GRID1: variants seen among roughly 807,000 people sequenced by gnomAD.
GRID1 encodes the protein glutamate receptor ionotropic, delta-1.
In GRID1, 28 loss-of-function variants were observed where a neutral mutation model predicts 98.0. The ratio of observed to expected loss-of-function variants is 0.29; its 90% CI spans 0.21 to 0.39. The LOEUF (loss-of-function observed/expected upper bound fraction) is 0.39. Ranked by LOEUF, GRID1 falls within the 10% of genes least tolerant of loss-of-function variation. The pLI is 1.00. For missense variants in GRID1, 1,111 were observed against 1,340.5 expected (o/e 0.83, Z 2.67); for synonymous variants, 553 against 538.5 (o/e 1.03, Z -0.37).
intron 8 of GRID1, among the ~76,000 whole-genome samples, chr10:85,759,422 C>T (rs1224639627): frequency 6.6e-6 from 1 of 152,180 alleles, no homozygotes; most frequent in Non-Finnish European, 1.5e-5. Context: ...AGCTGATCCC[C>T]ACCACTCTGT....
At chr10:86,321,550 C>T (rs760189464) in intron 2 of GRID1, among the ~76,000 whole-genome samples, 2 of 152,216 alleles carry the variant, frequency 1.3e-5, no homozygotes, top group African/African-American at 2.4e-5. Context: ...TTGATGGGTT[C>T]GGATTGGAAA....
chr10:86,235,853 T>C (rs1846529705), intron 2 of GRID1, among the ~76,000 whole-genome samples: 2 of 152,384 alleles, frequency 1.3e-5, no homozygotes, highest in South Asian at 2.1e-4. Flanking sequence ...GCTATGAACA[T>C]TCATGTATAA....
chr10:86,260,449 C>A (rs376747819), intron 2 of GRID1, among the ~76,000 whole-genome samples: 1 of 152,364 alleles, frequency 6.6e-6, no homozygotes, highest in South Asian at 2.1e-4. Context: ...CCACCCCAAC[C>A]ATGTGTCCCA....
At chr10:85,975,231 C>A (rs1237498275) in intron 4 of GRID1, among the ~76,000 whole-genome samples, 1 of 152,228 alleles carries the variant, frequency 6.6e-6, no homozygotes, top group Admixed American at 6.5e-5. Context: ...ATCTGCACAA[C>A]CCGAAAAGCC....
chr10:85,817,522 T>A (rs1842726366), intron 8 of GRID1, among the ~76,000 whole-genome samples: 1 of 151,718 alleles, frequency 6.6e-6, no homozygotes, highest in African/African-American at 2.4e-5. Flanking sequence ...CAAGACTCTA[T>A]CTCAATAATA....
intron 12 of GRID1, among the ~76,000 whole-genome samples, chr10:85,661,383 C>G (rs866361480): frequency 2.0e-4 from 31 of 152,182 alleles, no homozygotes; most frequent in African/African-American, 7.5e-4. Context: ...GTTTAGGATT[C>G]TCTCTTCCAG....
intron 2 of GRID1, among the ~76,000 whole-genome samples, chr10:86,318,605 T>C (rs1481687055): frequency 1.3e-5 from 2 of 152,182 alleles, no homozygotes; most frequent in African/African-American, 4.8e-5. Context: ...GCATCCTCCC[T>C]GTCCGTTCCC....
At chr10:86,361,872 C>T (rs1848604819) in intron 2 of GRID1, among the ~76,000 whole-genome samples, 1 of 152,236 alleles carries the variant, frequency 6.6e-6, no homozygotes, top group African/African-American at 2.4e-5. Context: ...AGACCCTGTA[C>T]TCCAGGTGCC....
chr10:85,685,189 T>C (rs1487763679), intron 12 of GRID1, among the ~76,000 whole-genome samples: 1 of 152,170 alleles, frequency 6.6e-6, no homozygotes, highest in Non-Finnish European at 1.5e-5. Context: ...CAGGAGAATT[T>C]ATAGTTAAGT....
intron 8 of GRID1, among the ~76,000 whole-genome samples, chr10:85,795,356 T>G (rs535529133): frequency 6.6e-6 from 1 of 152,232 alleles, no homozygotes; most frequent in African/African-American, 2.4e-5. Context: ...CAAAAGATTC[T>G]AAAAGGTGTT....
chr10:85,892,693 A>G (rs1432027299), intron 5 of GRID1, among the ~76,000 whole-genome samples: 1 of 152,136 alleles, frequency 6.6e-6, no homozygotes, highest in African/African-American at 2.4e-5. Flanking sequence ...AAAAAAATAG[A>G]ATGTGTTCTT....
chr10:86,329,640 C>A lies in GRID1; in HGVS notation c.235+34301G>T, dbSNP rs182558191. ...CCCCTGGTCCACACTCACTGACTGACCCCTGACCCCCAACCAGCCAACTGG... is the reference window on the plus strand; with the variant it reads ...CCCCTGGTCCACACTCACTGACTGAACCCTGACCCCCAACCAGCCAACTGG... On this transcript the variant is annotated intron_variant, in intron 2 of 15. Coordinates refer to ENST00000327946, the MANE Select transcript of GRID1 (RefSeq NM_017551.3). Among the ~76,000 whole-genome samples, 248 of 152,314 alleles carry A rather than the reference C, an allele frequency of 1.6e-3. 2 individuals are homozygous for A. The highest frequency in any genetic ancestry group is 1.1e-3 in the Non-Finnish European group (77 of 68,036).
intron 12 of GRID1, among the ~76,000 whole-genome samples, chr10:85,692,658 C>A (rs1841346283): frequency 1.8e-5 from 1 of 56,996 alleles, no homozygotes; most frequent in South Asian, 8.8e-4. Context: ...CAGAGTGAGA[C>A]CCTGTTAAAA....
Position 86,057,037 on chromosome 10 carries a change from C to T in GRID1, c.726+81782G>A, listed in dbSNP as rs1036732855. On this transcript the variant is annotated intron_variant, in intron 4 of 15. Coordinates refer to ENST00000327946, the MANE Select transcript of GRID1 (RefSeq NM_017551.3). ...CAGCACATCCATAAAGGGCTGCTGTCCCTGGGACTCAGGCTGCATTCCAAC... is the reference window on the plus strand; with the variant it reads ...CAGCACATCCATAAAGGGCTGCTGTTCCTGGGACTCAGGCTGCATTCCAAC... 3.3e-5 allele frequency among the ~76,000 whole-genome samples: 5 copies of T among 152,306 alleles called. No homozygotes were observed. In the East Asian group the frequency reaches 5.8e-4, roughly 18 times the overall value.
intron 8 of GRID1, among the ~76,000 whole-genome samples, chr10:85,843,346 A>G (rs1055324602): frequency 9.2e-5 from 14 of 152,122 alleles, no homozygotes; most frequent in Admixed American, 3.3e-4. Context: ...CTTTAAAAAA[A>G]TAGGAAAAAA....
rs780488522 is a variant in GRID1 at position 85,619,893 on chromosome 10, G to A, written c.2334C>T (p.Ser778=). The A allele has an allele frequency of 5.0e-6, 8 of 1,613,618 alleles. No individual in the cohort carries two copies. The highest frequency in any genetic ancestry group is 6.8e-6 in the Non-Finnish European group (8 of 1,179,878). Residue 778 remains serine (S), a synonymous_variant, in exon 14 of 16, where the codon AGC becomes AGT. Transcript: ENST00000327946. Reference sequence around the variant, plus strand: ...TCTGGGAGAAGAGGTCCCTGTAGGGGCTGCCATGCTGCAGGGCAATCCCGT... The same window carrying A: ...TCTGGGAGAAGAGGTCCCTGTAGGGACTGCCATGCTGCAGGGCAATCCCGT... ...KGYGIALQHG[S]PYRDLFSQRI... is the part of the protein sequence containing the mutation.
chr10:86,089,007 C>T (rs1054526484), intron 4 of GRID1, among the ~76,000 whole-genome samples: 2 of 152,268 alleles, frequency 1.3e-5, no homozygotes, highest in South Asian at 4.1e-4. Context: ...CACACTCCAG[C>T]CAAACACTCC....
At chr10:86,145,589 G>A (rs1474408007) in intron 3 of GRID1, among the ~76,000 whole-genome samples, 2 of 113,134 alleles carry the variant, frequency 1.8e-5, no homozygotes, top group African/African-American at 9.5e-5. Context: ...CCACTGGGAT[G>A]CTCCCAATTT....
At chr10:85,787,605 G>A (rs1056296650) in intron 8 of GRID1, among the ~76,000 whole-genome samples, 5 of 152,176 alleles carry the variant, frequency 3.3e-5, no homozygotes, top group African/African-American at 1.2e-4. Context: ...TCCCTTCCAA[G>A]AGCCTGCCCA....
Sources: gnomAD v4.1 joint callset for allele counts (sites outside exome capture counted in the v4.1 genomes callset) on GRCh38, gnomAD v4.1.1 for gene constraint, MANE v1.5 for transcripts, NCBI Gene and HGNC (gene_info 2026-07-23, HGNC 2026-07-21) for gene names.